The following NALF1 variants were observed in gnomAD, a reference collection of about 807,000 sequenced individuals.
NALF1 encodes the protein family with sequence similarity 155 member A.
NALF1 carries 3 observed loss-of-function variants against 48.4 expected under a neutral mutation model. The observed-to-expected ratio is 0.06, with a 90% confidence interval of 0.03 to 0.16. The LOEUF (loss-of-function observed/expected upper bound fraction) is 0.16, where lower values mean the gene tolerates loss of function less well. NALF1 is among the 10% of genes least tolerant of loss of function. The pLI is 1.00. For missense variants in NALF1, 526 were observed against 571.5 expected, an observed-to-expected ratio of 0.92 and a Z score of 0.81; for synonymous variants, 262 against 245.7, an observed-to-expected ratio of 1.07 and a Z score of -0.62.
intron 1 of NALF1, among the ~76,000 whole-genome samples, chr13:107,519,268 A>G (rs1162408165): frequency 6.6e-6 from 1 of 152,130 alleles, no homozygotes; most frequent in Non-Finnish European, 1.5e-5. Context: ...AATTTATTTG[A>G]TTGCAGGTTA....
chr13:107,762,238 G>A (rs1413295244), intron 1 of NALF1, among the ~76,000 whole-genome samples: 16 of 143,934 alleles, frequency 1.1e-4, no homozygotes, highest in Non-Finnish European at 9.1e-5. Context: ...CATTCTATCA[G>A]AAAAAAAAAA....
intron 1 of NALF1, among the ~76,000 whole-genome samples, chr13:107,464,516 AT>A (rs200796400): frequency 2.0e-4 from 30 of 150,704 alleles, no homozygotes; most frequent in South Asian, 6.3e-4. Context: ...TGCAATACAA[AT>A]TTTTTTTTTA....
At chr13:107,176,278 C>G (rs185820655) in intron 2 of NALF1, among the ~76,000 whole-genome samples, 3 of 147,506 alleles carry the variant, frequency 2.0e-5, no homozygotes, top group African/African-American at 7.5e-5. Flanking sequence ...TCTAGTGAAT[C>G]ATTACCTGCT....
chr13:107,186,511 G>A (rs1594060532), intron 2 of NALF1, among the ~76,000 whole-genome samples: 2 of 152,136 alleles, frequency 1.3e-5, no homozygotes, highest in African/African-American at 4.8e-5. Context: ...GGGACTACAG[G>A]TGCGTGCCAC....
At chr13:107,543,901 G>A (rs1877065424) in intron 1 of NALF1, among the ~76,000 whole-genome samples, 1 of 151,832 alleles carries the variant, frequency 6.6e-6, no homozygotes, top group African/African-American at 2.4e-5. Context: ...GAAATGAAAT[G>A]GTGGAAATAT....
At chr13:107,808,055 G>T (rs1878860179) in intron 1 of NALF1, among the ~76,000 whole-genome samples, 1 of 151,994 alleles carries the variant, frequency 6.6e-6, no homozygotes, top group Non-Finnish European at 1.5e-5. Context: ...AATGAGGAGG[G>T]TTACATAAGT....
intron 2 of NALF1, among the ~76,000 whole-genome samples, chr13:107,209,431 C>T (rs764732460): frequency 2.6e-5 from 4 of 151,078 alleles, no homozygotes; most frequent in African/African-American, 9.7e-5. Flanking sequence ...CACTTGAACC[C>T]CGGAGGCGGA....
At chr13:107,612,468 A>G (rs1311002123) in intron 1 of NALF1, among the ~76,000 whole-genome samples, 1 of 152,048 alleles carries the variant, frequency 6.6e-6, no homozygotes. Flanking sequence ...TTGGTCCCAC[A>G]TTGTTCTGGG....
At chr13:107,433,225 CAT>C (rs1332955306) in intron 1 of NALF1, among the ~76,000 whole-genome samples, 6 of 152,116 alleles carry the variant, frequency 3.9e-5, no homozygotes, top group Non-Finnish European at 8.8e-5. Flanking sequence ...GTGAAGTAAA[CAT>C]TGATTAAATT....
At chr13:107,319,894 A>T (rs897212923) in intron 1 of NALF1, among the ~76,000 whole-genome samples, 2 of 152,114 alleles carry the variant, frequency 1.3e-5, no homozygotes, top group African/African-American at 4.8e-5. Context: ...AAGAGCCACC[A>T]CTAATCTAAC....
intron 1 of NALF1, among the ~76,000 whole-genome samples, chr13:107,579,066 T>C (rs1050308082): frequency 6.6e-6 from 1 of 152,204 alleles, no homozygotes; most frequent in Non-Finnish European, 1.5e-5. Flanking sequence ...GCTTTCATGC[T>C]AACATTCCAT....
intron 1 of NALF1, among the ~76,000 whole-genome samples, chr13:107,229,257 T>C (rs1292523506): frequency 6.6e-6 from 1 of 152,124 alleles, no homozygotes; most frequent in Non-Finnish European, 1.5e-5. Flanking sequence ...AAATCTATTA[T>C]GAGAAATACA....
chr13:107,682,208 C>G (rs769202371), intron 1 of NALF1, among the ~76,000 whole-genome samples: 21 of 152,220 alleles, frequency 1.4e-4, no homozygotes, highest in Non-Finnish European at 2.6e-4. Context: ...AAAGACAAAG[C>G]ATTGTTGCCT....
chr13:107,192,015 G>A (rs1025247773), intron 2 of NALF1, among the ~76,000 whole-genome samples: 1 of 151,464 alleles, frequency 6.6e-6, no homozygotes, highest in African/African-American at 2.4e-5. Flanking sequence ...ACAGATGCAG[G>A]AAAAGAAGAA....
At chr13:107,708,817 C>T (rs1182137013) in intron 1 of NALF1, among the ~76,000 whole-genome samples, 1 of 152,072 alleles carries the variant, frequency 6.6e-6, no homozygotes, top group Non-Finnish European at 1.5e-5. Flanking sequence ...GTTTGCAGCA[C>T]AGATCAACCC....
intron 1 of NALF1, among the ~76,000 whole-genome samples, chr13:107,707,414 C>T (rs957933337): frequency 3.3e-5 from 5 of 152,098 alleles, no homozygotes; most frequent in East Asian, 1.9e-4. Flanking sequence ...TTTGGAATCC[C>T]TTTTCATGTT....
At chr13:107,853,450 A>T (rs1343884890) in intron 1 of NALF1, among the ~76,000 whole-genome samples, 1 of 152,226 alleles carries the variant, frequency 6.6e-6, no homozygotes, top group Non-Finnish European at 1.5e-5. Context: ...GACACAGTCA[A>T]AAAGGGAACT....
At chr13:107,680,155 C>A (rs1881244891) in intron 1 of NALF1, among the ~76,000 whole-genome samples, 1 of 152,192 alleles carries the variant, frequency 6.6e-6, no homozygotes, top group Non-Finnish European at 1.5e-5. Context: ...TGTGCCCACA[C>A]AGGCTCTGCA....
intron 1 of NALF1, among the ~76,000 whole-genome samples, chr13:107,265,224 T>C (rs1881015251): frequency 6.6e-6 from 1 of 152,230 alleles, no homozygotes; most frequent in Admixed American, 6.5e-5. Flanking sequence ...TCTAACTTTC[T>C]ATTGAGTTGC....
Sources: gnomAD v4.1 joint callset for allele counts (sites outside exome capture counted in the v4.1 genomes callset) on GRCh38, gnomAD v4.1.1 for gene constraint, MANE v1.5 for transcripts, NCBI Gene and HGNC (gene_info 2026-07-23, HGNC 2026-07-21) for gene names.